Variants in CEP162 observed in about 807,000 individuals in gnomAD.
The protein encoded by CEP162 is centrosomal protein 162.
CEP162 carries 141 observed loss-of-function variants against 169.2 expected under a neutral mutation model. That is an observed-to-expected ratio of 0.83 (90% confidence interval 0.73 to 0.96). The LOEUF (loss-of-function observed/expected upper bound fraction) is 0.96. Among genes scored for constraint, CEP162 ranks in the 40% least tolerant of loss-of-function variants. CEP162 has a pLI of 0.00. For missense variants in CEP162, 1,600 were observed against 1,587.2 expected (o/e 1.01, Z -0.14); for synonymous variants, 540 against 526.4 (o/e 1.03, Z -0.35).
intron 17 of CEP162, among the ~76,000 whole-genome samples, chr6:84,169,954 C>G (rs2099529344): frequency 6.6e-6 from 1 of 152,032 alleles, no homozygotes; most frequent in Non-Finnish European, 1.5e-5. Flanking sequence ...CTAAAGAAAC[C>G]ATTTATTTCA....
chr6:84,186,656 C>A (rs764215561), intron 11 of CEP162, 33 bp from the exon 12 acceptor site: 86 of 1,536,684 alleles, frequency 5.6e-5, no homozygotes, highest in Non-Finnish European at 7.4e-5. Flanking sequence ...GATAATGAAC[C>A]CTATGTAACA....
intron 9 of CEP162, among the ~76,000 whole-genome samples, chr6:84,195,599 T>A (rs2099541793): frequency 1.3e-5 from 2 of 152,252 alleles, no homozygotes; most frequent in South Asian, 4.1e-4. Flanking sequence ...ATGTGAGACA[T>A]CTGACATTAT....
chr6:84,181,720 G>T (rs974474149), intron 13 of CEP162, among the ~76,000 whole-genome samples: 14 of 152,086 alleles, frequency 9.2e-5, no homozygotes, highest in Non-Finnish European at 2.1e-4. Flanking sequence ...AGAGCATTCA[G>T]TCTCTTTAAT....
rs2099540851 is a variant in CEP162, at chr6:84,193,702, A to G, written c.1028-12T>C. The stretch of plus-strand genomic sequence containing the variant: ...TACTGTGGGCAGATCTAAGAGGTGG[A>G]AAAAAAAGTAGAAACGAAAAATGTT... On this transcript the variant is annotated splice_polypyrimidine_tract_variant and intron_variant, in intron 10 of 26. Transcript: ENST00000403245. The G allele has an allele frequency of 2.7e-6, 4 of 1,500,686 alleles. No homozygotes were observed. The African/African-American group carries it at 5.6e-5, about 21-fold the overall frequency. 93.0% of individuals were successfully genotyped at this position (1,500,686 alleles called of 1,614,324 possible).
intron 16 of CEP162, among the ~76,000 whole-genome samples, chr6:84,172,033 C>A (rs2099530337): frequency 6.6e-6 from 1 of 152,086 alleles, no homozygotes; most frequent in South Asian, 2.1e-4. Context: ...AAGGAATCAC[C>A]ACATCCTGAC....
chr6:84,149,426 C>G, intron 24 of CEP162, 136 bp downstream of exon 24: 1 of 499,414 alleles, frequency 2.0e-6, no homozygotes, highest in Non-Finnish European at 3.2e-6. Context: ...AGAAATCAAG[C>G]CAATAATAGT....
At chr6:84,192,567 T>C (rs779122791) in intron 11 of CEP162, among the ~76,000 whole-genome samples, 5 of 152,184 alleles carry the variant, frequency 3.3e-5, no homozygotes, top group Non-Finnish European at 5.9e-5. Context: ...CTCACACAAA[T>C]GTAGAAACAA....
chr6:84,161,970 A>G, intron 19 of CEP162, 61 bp from the exon 20 acceptor site: 1 of 1,085,652 alleles, frequency 9.2e-7, no homozygotes. Flanking sequence ...AAATAAACTA[A>G]ATTAAAAGAT....
intron 23 of CEP162, 134 bp from the exon 24 acceptor site, chr6:84,149,837 G>T: frequency 1.7e-6 from 1 of 599,900 alleles, no homozygotes; most frequent in Non-Finnish European, 2.7e-6. Flanking sequence ...ACTGCACTGT[G>T]TTAGGTGCTT....
rs61701610 is a variant in CEP162, at chr6:84,197,447, T to C, written c.836-2372A>G. Among the ~76,000 whole-genome samples the C allele has an allele frequency of 6.5e-3, 992 of 152,240 alleles. 7 individuals carry two copies. Among genetic ancestry groups the C allele is most frequent in the African/African-American group, 0.023 (943 of 41,548 alleles). Reference sequence around the variant, plus strand: ...AGGGGTTCCTTATCTGCCTTTTACATTGAAAACAGAAGACTCTGTAGTTAT... The same window carrying C: ...AGGGGTTCCTTATCTGCCTTTTACACTGAAAACAGAAGACTCTGTAGTTAT... On this transcript the variant is annotated intron_variant, in intron 9 of 26. Transcript: ENST00000403245.
chr6:84,161,654 TTAA>T, intron 20 of CEP162, 89 bp downstream of exon 20: 4 of 882,004 alleles, frequency 4.5e-6, no homozygotes, highest in Non-Finnish European at 5.2e-6. Context: ...TCTTAATTAA[TTAA>T]TGATGCAATG....
At position 84,149,551 on chromosome 6, in the gene CEP162, T is replaced by A. The variant is rs2099520340; in HGVS notation, c.3771+11A>T. On this transcript the variant is annotated intron_variant, in intron 24 of 26. Coordinates refer to ENST00000403245, the MANE Select transcript of CEP162 (RefSeq NM_014895.4). ...ATTCAAGTCAAAAGATAAAACAGAT[T>A]TGTCATCTACCTCTTGAGTTGCTAT... 6.4e-7 allele frequency: 1 copy of A among 1,564,206 alleles called. No individual in the cohort carries two copies. The highest frequency in any genetic ancestry group is 1.9e-5 in the Admixed American group (1 of 51,616).
At chr6:84,159,049 A>T (rs769418900) in intron 21 of CEP162, among the ~76,000 whole-genome samples, 1 of 151,610 alleles carries the variant, frequency 6.6e-6, no homozygotes, top group Middle Eastern at 4.5e-3. Context: ...TATTCTATTT[A>T]AAAATAGATA....
chr6:84,169,280 T>C (rs967115967), intron 18 of CEP162, 48 bp downstream of exon 18: 16 of 1,056,816 alleles, frequency 1.5e-5, no homozygotes, highest in Admixed American at 6.1e-5. Flanking sequence ...TGGGGATTTT[T>C]ATAAAACCTT....
At position 84,182,163 on chromosome 6, in the gene CEP162, C is replaced by A. The variant is rs964799370; in HGVS notation, c.1663+3024G>T. Among the ~76,000 whole-genome samples the A allele has an allele frequency of 5.9e-5, 9 of 152,188 alleles. No individual in the cohort carries two copies. In the South Asian group the frequency reaches 8.3e-4, roughly 14 times the overall value. On this transcript the variant is annotated intron_variant, in intron 13 of 26. Transcript: ENST00000403245. ...ATCTGCCTCTCTACTTCCGTCCATT[C>A]ATTCACATTTCCTTCTATTATATAA...
In CEP162 at chr6:84,185,206, G is replaced by A. The variant is rs2099536585; in HGVS notation, c.1644C>T (p.Ser548=). 1 of 1,611,222 alleles carries A rather than the reference G, an allele frequency of 6.2e-7. No individual in the cohort carries two copies. Among genetic ancestry groups the A allele is most frequent in the Admixed American group, 1.7e-5 (1 of 59,860 alleles). The change falls in exon 13 of 27, where the codon TCC becomes TCT. Residue 548 remains serine, a synonymous_variant. Transcript: ENST00000403245. ...GATTACCTTTTTTCCTAGGTTGATT[G>A]GAGGTAGAAATCGATCTCAAGTTTT... ...KSKNLRSIST[S]NQPRKKEILS... is the part of the protein sequence containing the mutation.
rs767654684 is a variant in CEP162, at chr6:84,215,441, T to C, written c.344A>G (p.His115Arg). Residue 115 changes from histidine (H) to arginine (R), a missense_variant, in exon 5 of 27, where the codon CAT (histidine) becomes CGT (arginine). His to Arg is a conservative substitution (Grantham distance 29). Coordinates refer to ENST00000403245, the MANE Select transcript of CEP162 (RefSeq NM_014895.4). ...TNELVVSELNHSSLGVGLDTL... is the reference protein window; with the variant it reads ...TNELVVSELNRSSLGVGLDTL... ...GTCCAATCCCACTCCGAGACTACTA[T>C]GGTTGAGCTCAGAAACTACTAGTTC... The C allele has an allele frequency of 3.1e-6, 5 of 1,599,700 alleles. No individual in the cohort carries two copies. The highest frequency in any genetic ancestry group is 1.3e-5 in the African/African-American group (1 of 74,494).
intron 21 of CEP162, among the ~76,000 whole-genome samples, chr6:84,159,547 A>ATTT (rs1166267578): frequency 3.1e-5 from 1 of 31,954 alleles, no homozygotes; most frequent in Non-Finnish European, 5.1e-5. Flanking sequence ...ATATATATAT[A>ATTT]TTTTTTTTTT....
chr6:84,175,912 ATATAT>A (rs2099532230), intron 13 of CEP162, among the ~76,000 whole-genome samples: 1 of 152,102 alleles, frequency 6.6e-6, no homozygotes, highest in South Asian at 2.1e-4. Context: ...ACTTGGCAAT[ATATAT>A]TAAATTATAA....
Sources: allele counts gnomAD v4.1 joint callset (sites outside exome capture counted in the v4.1 genomes callset), GRCh38; gene constraint gnomAD v4.1.1; transcripts MANE v1.5; gene names NCBI Gene and HGNC (gene_info 2026-07-23, HGNC 2026-07-21).